PPP6C: variants seen among roughly 807,000 people sequenced by gnomAD.
PPP6C encodes protein phosphatase 6 catalytic subunit.
Under a neutral mutation model 39.8 loss-of-function variants are expected in PPP6C, and 11 were observed. The observed-to-expected ratio is 0.28, with a 90% CI of 0.17 to 0.46. PPP6C has a LOEUF of 0.46. Among genes scored for constraint, PPP6C ranks in the 20% least tolerant of loss-of-function variants. The pLI, the probability that PPP6C is intolerant of heterozygous loss-of-function variation, is 1.00. For synonymous variants in PPP6C, 129 were observed against 130.3 expected (o/e 0.99, Z 0.07); for missense variants, 211 against 373.9 (o/e 0.56, Z 3.59).
Position 125,154,808 on chromosome 9 carries a change from A to G in PPP6C, c.380-823T>C, listed in dbSNP as rs548960168. Among the ~76,000 whole-genome samples the G allele has an allele frequency of 8.3e-4, 127 of 152,342 alleles. 1 individual carries two copies. The highest frequency in any genetic ancestry group is 3.0e-3 in the African/African-American group (124 of 41,576). ...TTTTCTGCAAATCGTGCGACTAAAC[A>G]CTTGAGCTTCAGTGGATCAAAACTG... On this transcript the variant is annotated intron_variant, in intron 4 of 6. Transcript: ENST00000373547.
intron 4 of PPP6C, 146 bp downstream of exon 4, chr9:125,158,095 T>C (rs1836125521): frequency 1.2e-6 from 1 of 840,680 alleles, no homozygotes; most frequent in Admixed American, 2.5e-5. Context: ...CTCTCGAGCA[T>C]AAGATTTTCA....
chr9:125,173,868 G>A (rs913962649), intron 1 of PPP6C, among the ~76,000 whole-genome samples: 1 of 151,920 alleles, frequency 6.6e-6, no homozygotes, highest in Non-Finnish European at 1.5e-5. Flanking sequence ...CACCCGCCTC[G>A]GCCTCCCAAA....
intron 2 of PPP6C, among the ~76,000 whole-genome samples, chr9:125,169,606 G>T (rs1829098171): frequency 6.7e-6 from 1 of 150,374 alleles, no homozygotes; most frequent in Admixed American, 6.6e-5. Flanking sequence ...AAGTTACATA[G>T]AAACTTCTAC....
intron 6 of PPP6C, chr9:125,151,658 A>G: frequency 1.7e-6 from 1 of 586,650 alleles, no homozygotes; most frequent in South Asian, 1.5e-5. Context: ...TTGGTATTTG[A>G]TGACGAATTC....
intron 2 of PPP6C, among the ~76,000 whole-genome samples, chr9:125,163,622 G>C (rs1475566553): frequency 1.3e-5 from 2 of 151,904 alleles, no homozygotes; most frequent in Non-Finnish European, 2.9e-5. Context: ...ACAGAGACGG[G>C]GTTTCACCAT....
At chr9:125,155,859 C>T (rs1023055976) in intron 4 of PPP6C, among the ~76,000 whole-genome samples, 1 of 148,294 alleles carries the variant, frequency 6.7e-6, no homozygotes, top group Non-Finnish European at 1.5e-5. Flanking sequence ...GAGCGAAGAT[C>T]GCACCACTGC....
rs753766546 is a variant in PPP6C, at chr9:125,153,544, C to G, written c.658G>C (p.Val220Leu). ...AATGTTGGCTTTACCTCATTTGTGA[C>G]CTTTGCTCCAAAAAGCCAACCTGCT... ...RGAGWLFGAK[V>L]TNEFVHINNL... is the part of the protein sequence containing the mutation. The change falls in exon 6 of 7, where the codon GTC becomes CTC. Residue 220 changes from valine (V) to leucine (L), a missense_variant. This residue lies in a region of PPP6C where 168 missense variants were observed against 342.6 expected (regional missense o/e 0.49). Transcript: ENST00000373547. 6.2e-7 allele frequency: 1 copy of G among 1,614,100 alleles called. No homozygotes were observed. The highest frequency in any genetic ancestry group is 1.1e-5 in the South Asian group (1 of 91,076).
chr9:125,181,371 C>T (rs1564158496), intron 1 of PPP6C, among the ~76,000 whole-genome samples: 1 of 152,046 alleles, frequency 6.6e-6, no homozygotes, highest in Admixed American at 6.6e-5. Context: ...TTCTGGGACA[C>T]ATGTGCAGAA....
intron 4 of PPP6C, among the ~76,000 whole-genome samples, chr9:125,156,740 G>GCTCTCTCT (rs1554721200): frequency 1.5e-5 from 2 of 134,092 alleles, no homozygotes; most frequent in East Asian, 2.4e-4. Flanking sequence ...TTCCTAATAA[G>GCTCTCTCT]CTCGCTCTCT....
At chr9:125,164,548 G>A (rs1033468733) in intron 2 of PPP6C, among the ~76,000 whole-genome samples, 20 of 151,780 alleles carry the variant, frequency 1.3e-4, no homozygotes, top group African/African-American at 4.3e-4. Flanking sequence ...TCATATTTCA[G>A]ATACTCTGCT....
At chr9:125,169,713 A>C (rs1829100913) in intron 2 of PPP6C, among the ~76,000 whole-genome samples, 1 of 152,214 alleles carries the variant, frequency 6.6e-6, no homozygotes, top group Non-Finnish European at 1.5e-5. Context: ...GCAAAATACA[A>C]ATGTTTGAGA....
chr9:125,160,341 T>C (rs1051202455), intron 3 of PPP6C, among the ~76,000 whole-genome samples: 12 of 152,170 alleles, frequency 7.9e-5, no homozygotes, highest in African/African-American at 2.7e-4. Flanking sequence ...TTAGAGGACA[T>C]AGTTAAATGT....
At chr9:125,152,697 G>A (rs1489498593) in intron 6 of PPP6C, among the ~76,000 whole-genome samples, 3 of 151,928 alleles carry the variant, frequency 2.0e-5, no homozygotes, top group African/African-American at 7.3e-5. Context: ...AGGCGTGGTG[G>A]TGTACACCTG....
rs1835884921 is a variant in PPP6C, at chr9:125,149,419, G to A, written c.*254C>T. 2.5e-6 allele frequency: 1 copy of A among 401,726 alleles called. No individual in the cohort carries two copies. Among genetic ancestry groups the A allele is most frequent in the East Asian group, 3.9e-5 (1 of 25,342 alleles). 24.9% of individuals were successfully genotyped at this position (401,726 alleles called of 1,614,324 possible). On this transcript the variant is annotated 3_prime_UTR_variant, in exon 7 of 7. Transcript: ENST00000373547. ...GCAAGAGCTACATGCAGCAGTGTGA[G>A]TATTAAGACATTTCTCAAGTCTTCT...
intron 1 of PPP6C, among the ~76,000 whole-genome samples, chr9:125,187,996 A>T (rs1829568061): frequency 6.6e-6 from 1 of 152,096 alleles, no homozygotes; most frequent in Non-Finnish European, 1.5e-5. Context: ...GTGTGGCCTC[A>T]AATATTATGC....
chr9:125,159,237 C>T (rs1429699549), intron 3 of PPP6C, among the ~76,000 whole-genome samples: 15 of 140,784 alleles, frequency 1.1e-4, no homozygotes, highest in African/African-American at 2.4e-4. Flanking sequence ...TTAGTAGAGA[C>T]GGGGTTTCTC....
intron 6 of PPP6C, among the ~76,000 whole-genome samples, chr9:125,152,754 C>G (rs1399958960): frequency 6.6e-6 from 1 of 150,990 alleles, no homozygotes; most frequent in Non-Finnish European, 1.5e-5. Context: ...CGCTTGAATC[C>G]AGGAGGCAGA....
At chr9:125,156,673 T>C (rs1836083431) in intron 4 of PPP6C, among the ~76,000 whole-genome samples, 1 of 152,158 alleles carries the variant, frequency 6.6e-6, no homozygotes, top group Admixed American at 6.6e-5. Context: ...CTGTCTTAAT[T>C]GTGCTCAAGG....
chr9:125,189,510 A>G (rs1829614409), intron 1 of PPP6C, 134 bp downstream of exon 1: 2 of 1,481,898 alleles, frequency 1.3e-6, no homozygotes, highest in Non-Finnish European at 1.8e-6. Flanking sequence ...GCCGGGTAGG[A>G]CCGGGTCGAC....
Sources: allele counts gnomAD v4.1 joint callset (sites outside exome capture counted in the v4.1 genomes callset), GRCh38; gene constraint gnomAD v4.1.1; regional missense constraint gnomAD v4.1.1; transcripts MANE v1.5; gene names NCBI Gene and HGNC (gene_info 2026-07-23, HGNC 2026-07-21).